The following SRGAP3 variants were observed in gnomAD, a reference collection of about 807,000 sequenced individuals.
The protein encoded by SRGAP3 is SLIT-ROBO Rho GTPase-activating protein 3.
SRGAP3 carries 39 observed loss-of-function variants against 121.1 expected under a neutral mutation model. That is an observed-to-expected ratio of 0.32 (90% CI 0.25 to 0.42). The LOEUF (loss-of-function observed/expected upper bound fraction) is 0.42, where lower values mean the gene tolerates loss of function less well. SRGAP3 is among the 10% of genes least tolerant of loss of function. The pLI is 1.00. For missense variants in SRGAP3, 1,213 were observed against 1,470.6 expected (o/e 0.82, Z 2.86); for synonymous variants, 601 against 570.0 (o/e 1.05, Z -0.77).
chr3:9,066,800 C>G (rs1194214052), intron 4 of SRGAP3, among the ~76,000 whole-genome samples: 1 of 152,248 alleles, frequency 6.6e-6, no homozygotes, highest in Non-Finnish European at 1.5e-5. Context: ...CGCCCAGGCT[C>G]TGTGACTTTT....
chr3:9,341,520 G>A (rs1001766431), intron 1 of SRGAP3, among the ~76,000 whole-genome samples: 1 of 152,164 alleles, frequency 6.6e-6, no homozygotes, highest in African/African-American at 2.4e-5. Flanking sequence ...TCAGTATTCT[G>A]GGGGGAAAGT....
At chr3:9,267,379 A>C (rs537533077) in intron 3 of SRGAP3, among the ~76,000 whole-genome samples, 2 of 152,358 alleles carry the variant, frequency 1.3e-5, no homozygotes, top group Admixed American at 1.3e-4. Context: ...GATCAACTAC[A>C]AAAGTGGCTC....
chr3:9,095,031 AG>A (rs1947912378), intron 3 of SRGAP3, among the ~76,000 whole-genome samples: 2 of 152,090 alleles, frequency 1.3e-5, no homozygotes, highest in Non-Finnish European at 2.9e-5. Context: ...CGAAGTGCTG[AG>A]ATTACAGGTG....
intron 12 of SRGAP3, among the ~76,000 whole-genome samples, chr3:9,028,555 A>C (rs1369308904): frequency 6.6e-6 from 1 of 152,218 alleles, no homozygotes; most frequent in Non-Finnish European, 1.5e-5. Context: ...TGCCCACAAA[A>C]AGGAGAGAAA....
intron 1 of SRGAP3, among the ~76,000 whole-genome samples, chr3:9,238,992 C>T (rs1040642667): frequency 1.3e-5 from 2 of 152,358 alleles, no homozygotes; most frequent in Admixed American, 1.3e-4. Context: ...CTCACAAGGG[C>T]CTTGGTGCTG....
intron 1 of SRGAP3, among the ~76,000 whole-genome samples, chr3:9,333,504 C>G (rs2125287042): frequency 6.6e-6 from 1 of 152,274 alleles, no homozygotes; most frequent in Middle Eastern, 3.4e-3. Flanking sequence ...GAACCTTACT[C>G]CGCTCCTTTC....
intron 1 of SRGAP3, among the ~76,000 whole-genome samples, chr3:9,333,853 A>G (rs1379083648): frequency 2.0e-5 from 3 of 152,122 alleles, no homozygotes; most frequent in Non-Finnish European, 4.4e-5. Flanking sequence ...ACAATTACTG[A>G]GAGTCTCCCA....
intron 1 of SRGAP3, among the ~76,000 whole-genome samples, chr3:9,335,023 A>AAC (rs1237711144): frequency 6.6e-6 from 1 of 152,216 alleles, no homozygotes; most frequent in Non-Finnish European, 1.5e-5. Context: ...GGCCTATGGG[A>AAC]ACTCTGCCAA....
intron 3 of SRGAP3, among the ~76,000 whole-genome samples, chr3:9,304,055 T>C (rs1484457352): frequency 6.6e-6 from 1 of 152,164 alleles, no homozygotes; most frequent in African/African-American, 2.4e-5. Flanking sequence ...CACAAACAAT[T>C]CTGTCCAGGG....
chr3:9,254,221 A>G (rs180844228), upstream of SRGAP3, among the ~76,000 whole-genome samples: 1 of 152,354 alleles, frequency 6.6e-6, no homozygotes, highest in Admixed American at 6.5e-5. Context: ...ATGAATGGAT[A>G]AACAAAAAAT....
At chr3:9,117,966 A>T (rs1228619531) in intron 2 of SRGAP3, among the ~76,000 whole-genome samples, 1 of 151,996 alleles carries the variant, frequency 6.6e-6, no homozygotes. Flanking sequence ...CAAAAAAATA[A>T]TTCATTTTTT....
At chr3:9,341,277 C>T (rs1955783962) in intron 1 of SRGAP3, among the ~76,000 whole-genome samples, 1 of 135,312 alleles carries the variant, frequency 7.4e-6, no homozygotes, top group Non-Finnish European at 1.5e-5. Context: ...ACGATGTGGA[C>T]ACTGAAGGTT....
intron 3 of SRGAP3, among the ~76,000 whole-genome samples, chr3:9,283,490 T>C (rs1320439107): frequency 6.6e-6 from 1 of 152,206 alleles, no homozygotes; most frequent in Non-Finnish European, 1.5e-5. Flanking sequence ...ACCAATCTCA[T>C]AATTTAAGTC....
At chr3:9,156,256 G>T (rs1006205386) in intron 1 of SRGAP3, among the ~76,000 whole-genome samples, 1 of 152,222 alleles carries the variant, frequency 6.6e-6, no homozygotes, top group East Asian at 1.9e-4. Context: ...TGTTTGTTTT[G>T]AGACAGGGTC....
intron 9 of SRGAP3, among the ~76,000 whole-genome samples, chr3:9,051,017 CTTTTTTTTTTTTT>C (rs71049766): frequency 6.1e-5 from 5 of 81,858 alleles, no homozygotes; most frequent in South Asian, 6.8e-4. Flanking sequence ...AGCCTCATTG[CTTTTTTTTTTTTT>C]TTTTTTTTTT....
At chr3:9,092,249 A>G (rs1947789056) in intron 3 of SRGAP3, among the ~76,000 whole-genome samples, 1 of 151,972 alleles carries the variant, frequency 6.6e-6, no homozygotes, top group Non-Finnish European at 1.5e-5. Flanking sequence ...ATGAAAAGTG[A>G]CCTGACATGG....
At chr3:8,992,620 G>A (rs915485997) in intron 20 of SRGAP3, 19 of 519,318 alleles carry the variant, frequency 3.7e-5, no homozygotes, top group African/African-American at 3.6e-4. Context: ...AAAAATACTT[G>A]CCAATTTGTA....
intron 3 of SRGAP3, among the ~76,000 whole-genome samples, chr3:9,281,267 G>A (rs1161039551): frequency 6.6e-6 from 1 of 152,154 alleles, no homozygotes; most frequent in East Asian, 1.9e-4. Flanking sequence ...TGAAGGCAAG[G>A]GAATGTGCAA....
At chr3:9,034,552 T>C (rs192194107) in intron 11 of SRGAP3, 3 of 152,304 alleles carry the variant, frequency 2.0e-5, no homozygotes, top group Non-Finnish European at 2.9e-5. Context: ...CTCCAGTACA[T>C]GCATGGGCAA....
Sources: allele counts gnomAD v4.1 joint callset (sites outside exome capture counted in the v4.1 genomes callset), GRCh38; gene constraint gnomAD v4.1.1; transcripts MANE v1.5; gene names NCBI Gene and HGNC (gene_info 2026-07-23, HGNC 2026-07-21).